VDAC1: variants seen among roughly 807,000 people sequenced by gnomAD.
The protein encoded by VDAC1 is voltage dependent anion channel 1, also known as non-selective voltage-gated ion channel VDAC1.
In VDAC1, 10 loss-of-function variants were observed where a neutral mutation model predicts 34.7. The ratio of observed to expected loss-of-function variants is 0.29; its 90% CI spans 0.18 to 0.49. VDAC1 has a LOEUF of 0.49. Ranked by LOEUF, VDAC1 falls within the 20% of genes least tolerant of loss-of-function variation. VDAC1 has a pLI of 0.99. For missense variants in VDAC1, 230 were observed against 347.9 expected (o/e 0.66, Z 2.69); for synonymous variants, 130 against 136.0 (o/e 0.96, Z 0.30).
the VDAC1 span, among the ~76,000 whole-genome samples, chr5:134,026,148 G>C: frequency 2.0e-5 from 3 of 152,166 alleles, no homozygotes; most frequent in Non-Finnish European, 2.9e-5. Context: ...TTCTAAGGGA[G>C]AGGGATCTCT....
the VDAC1 span, among the ~76,000 whole-genome samples, chr5:134,045,299 C>T: frequency 6.6e-6 from 1 of 152,228 alleles, no homozygotes; most frequent in African/African-American, 2.4e-5. Flanking sequence ...CAGCTGAAGT[C>T]CAGTGTATCA....
the VDAC1 span, among the ~76,000 whole-genome samples, chr5:134,036,612 C>T: frequency 6.6e-6 from 1 of 151,488 alleles, no homozygotes; most frequent in African/African-American, 2.4e-5. Flanking sequence ...GCTATAATCA[C>T]ACCACTGCAC....
Position 133,974,916 on chromosome 5 carries a change from T to C in VDAC1, c.702+955A>G, listed in dbSNP as rs1298656635. ...TGCGCAGTGAGCTGAGATCGTGCCA[T>C]TGCACTCCAGCCTGGGCAACAAAGG... is the stretch of plus-strand genomic sequence containing the variant. On this transcript the variant is annotated intron_variant, in intron 7 of 8. Coordinates refer to ENST00000265333, the MANE Select transcript of VDAC1 (RefSeq NM_003374.3). 4.0e-5 allele frequency among the ~76,000 whole-genome samples: 6 copies of C among 150,958 alleles called. 1 individual carries two copies. Among genetic ancestry groups the C allele is most frequent in the Admixed American group, 4.0e-4 (6 of 15,122 alleles).
chr5:134,085,066 TTTTTC>T, the VDAC1 span, among the ~76,000 whole-genome samples: 3 of 126,904 alleles, frequency 2.4e-5, no homozygotes, highest in African/African-American at 8.1e-5. Flanking sequence ...ATGATCTCTT[TTTTTC>T]TTTTCTTTTT....
At chr5:133,976,945 G>A (rs1752504816) in intron 6 of VDAC1, among the ~76,000 whole-genome samples, 1 of 152,180 alleles carries the variant, frequency 6.6e-6, no homozygotes, top group Non-Finnish European at 1.5e-5. Flanking sequence ...CTGGGGGGGT[G>A]AGGCAGGAGA....
At chr5:133,980,707 TG>T in intron 6 of VDAC1, 21 bp downstream of exon 6, 2 of 273,338 alleles carry the variant, frequency 7.3e-6, no homozygotes, top group Non-Finnish European at 6.4e-6. Context: ...CCTCCCACCC[TG>T]CTGCCCCCAT....
At position 133,972,796 on chromosome 5, in the gene VDAC1, C is replaced by T; in HGVS notation, c.827G>A (p.Gly276Asp). Residue 276 changes from glycine to aspartate, a missense_variant, in exon 9 of 9, where the codon GGT becomes GAT. Transcript: ENST00000265333. ...TTATGCTTGAAATTCCAGTCCTAGA[C>T]CAAGCTTGTGGCCACCAGCATTGAC... is the stretch of plus-strand genomic sequence containing the variant. ...KNVNAGGHKL[G>D]LGLEFQA The T allele has an allele frequency of 6.2e-7, 1 of 1,612,934 alleles. No individual in the cohort carries two copies. Among genetic ancestry groups the T allele is most frequent in the Non-Finnish European group, 8.5e-7 (1 of 1,178,998 alleles).
chr5:134,048,247 C>A, the VDAC1 span, among the ~76,000 whole-genome samples: 1,036 of 152,136 alleles, frequency 6.8e-3, 12 homozygotes, highest in African/African-American at 0.023. Context: ...GGATTACAGG[C>A]ATGAGCCACC....
At chr5:134,106,303 A>T in the VDAC1 span, among the ~76,000 whole-genome samples, 1 of 152,138 alleles carries the variant, frequency 6.6e-6, no homozygotes, top group Non-Finnish European at 1.5e-5. Context: ...CTGGGAAGTT[A>T]ATTTGTGTAT....
the VDAC1 span, among the ~76,000 whole-genome samples, chr5:134,096,878 C>T: frequency 6.6e-6 from 1 of 152,240 alleles, no homozygotes; most frequent in African/African-American, 2.4e-5. Context: ...CATACGCCAC[C>T]GCACCAGCCC....
At chr5:134,061,222 C>T in the VDAC1 span, among the ~76,000 whole-genome samples, 1 of 150,454 alleles carries the variant, frequency 6.6e-6, no homozygotes, top group African/African-American at 2.4e-5. Context: ...GGCTAAAGCC[C>T]CATCCTCCAT....
At chr5:134,002,553 C>T (rs540413957) in intron 1 of VDAC1, among the ~76,000 whole-genome samples, 10 of 152,294 alleles carry the variant, frequency 6.6e-5, no homozygotes, top group South Asian at 4.1e-4. Context: ...AGAATGAAGA[C>T]GATGTGTTTA....
At chr5:133,998,831 T>G (rs1487893509) in intron 1 of VDAC1, among the ~76,000 whole-genome samples, 3 of 152,186 alleles carry the variant, frequency 2.0e-5, no homozygotes, top group Non-Finnish European at 2.9e-5. Context: ...AGGCGCTTGT[T>G]CAAGAAGAGC....
chr5:134,095,484 GTAAATAAATAAATAAA>G, the VDAC1 span, among the ~76,000 whole-genome samples: 4,554 of 142,646 alleles, frequency 0.032, 233 homozygotes, highest in African/African-American at 0.11. Flanking sequence ...CTCTGTCTCA[GTAAATAAATAAATAAA>G]TAAATAAATA....
At chr5:133,981,009 A>C in intron 5 of VDAC1, 53 bp from the exon 6 acceptor site, 2 of 1,492,408 alleles carry the variant, frequency 1.3e-6, no homozygotes, top group Non-Finnish European at 1.8e-6. Flanking sequence ...CTTGAAATGC[A>C]AGTTGTCTTT....
chr5:134,079,548 G>C, the VDAC1 span, among the ~76,000 whole-genome samples: 3 of 152,248 alleles, frequency 2.0e-5, no homozygotes, highest in Non-Finnish European at 2.9e-5. Flanking sequence ...CAAGGGAGCA[G>C]GTGGAGGTGA....
intron 1 of VDAC1, among the ~76,000 whole-genome samples, chr5:133,995,132 G>C (rs569079190): frequency 2.0e-5 from 3 of 152,278 alleles, no homozygotes; most frequent in African/African-American, 7.2e-5. Context: ...ACATCAGCCT[G>C]AAGTACAAGG....
chr5:134,017,478 G>C, the VDAC1 span, among the ~76,000 whole-genome samples: 19 of 151,860 alleles, frequency 1.3e-4, no homozygotes, highest in African/African-American at 4.6e-4. Flanking sequence ...TTTCATCATT[G>C]GTTTGCTCTG....
chr5:134,075,828 G>T, the VDAC1 span, among the ~76,000 whole-genome samples: 23 of 151,774 alleles, frequency 1.5e-4, no homozygotes, highest in African/African-American at 5.3e-4. Context: ...CTGGTGATTC[G>T]CCCGCCTCAG....
Sources: allele counts gnomAD v4.1 joint callset (sites outside exome capture counted in the v4.1 genomes callset), GRCh38; gene constraint gnomAD v4.1.1; transcripts MANE v1.5; gene names NCBI Gene and HGNC (gene_info 2026-07-23, HGNC 2026-07-21).